The following TMEM260 variants were observed in gnomAD, a reference collection of about 807,000 sequenced individuals.
TMEM260 encodes the protein transmembrane protein 260.
A neutral mutation model predicts 88.9 loss-of-function variants in TMEM260; 82 were observed. The observed-to-expected ratio is 0.92, with a 90% CI of 0.77 to 1.11. The LOEUF is 1.11. Among genes scored for constraint, TMEM260 ranks in the 50% least tolerant of loss-of-function variants. The probability of loss-of-function intolerance (pLI) is 0.00; values close to 1 mark genes in which losing one functional copy is unlikely to be tolerated. For missense variants in TMEM260, 902 were observed against 853.4 expected (o/e 1.06, Z -0.71); for synonymous variants, 314 against 309.3 (o/e 1.02, Z -0.16).
chr14:56,625,761 A>G (rs1385180316), intron 12 of TMEM260, among the ~76,000 whole-genome samples: 1 of 152,214 alleles, frequency 6.6e-6, no homozygotes, highest in Non-Finnish European at 1.5e-5. Context: ...CAAGAACAGC[A>G]AATAAGATCT....
At chr14:56,584,962 T>G (rs1460075893) in intron 1 of TMEM260, 39 bp from the exon 2 acceptor site, 2 of 1,592,402 alleles carry the variant, frequency 1.3e-6, no homozygotes, top group Non-Finnish European at 1.7e-6. Flanking sequence ...AGTGTCATTC[T>G]CTAATAGTAA....
chr14:56,660,415 TC>T, the TMEM260 span, among the ~76,000 whole-genome samples: 1 of 152,358 alleles, frequency 6.6e-6, no homozygotes, highest in East Asian at 1.9e-4. Flanking sequence ...TTCTATTATT[TC>T]TTACTTTTTT....
chr14:56,620,377 A>G (rs1283509810), intron 10 of TMEM260, among the ~76,000 whole-genome samples: 1 of 152,124 alleles, frequency 6.6e-6, no homozygotes, highest in Non-Finnish European at 1.5e-5. Context: ...GCCTTGAGAG[A>G]AGGGGCTGCG....
chr14:56,643,754 G>C (rs1248189923), intron 15 of TMEM260, among the ~76,000 whole-genome samples: 1 of 152,190 alleles, frequency 6.6e-6, no homozygotes, highest in East Asian at 1.9e-4. Context: ...TGTATATTCA[G>C]AAAACCCCAC....
At chr14:56,591,829 C>T (rs10137244) in intron 3 of TMEM260, among the ~76,000 whole-genome samples, 10,256 of 152,150 alleles carry the variant, frequency 0.067, 418 homozygotes, top group East Asian at 0.16. Flanking sequence ...TCCACATATT[C>T]AGGAATAAGT....
At chr14:56,580,251 T>G (rs1885034063) in intron 1 of TMEM260, among the ~76,000 whole-genome samples, 177 bp downstream of exon 1, 1 of 152,228 alleles carries the variant, frequency 6.6e-6, no homozygotes, top group Non-Finnish European at 1.5e-5. Flanking sequence ...TCCATTCCTG[T>G]CGTTGTGGTT....
At chr14:56,636,678 T>G in intron 15 of TMEM260, 80 bp downstream of exon 15, 1 of 1,210,822 alleles carries the variant, frequency 8.3e-7, no homozygotes, top group Non-Finnish European at 1.2e-6. Flanking sequence ...ATAGAGGGTA[T>G]ATCACATTAG....
At chr14:56,617,136 A>G (rs755527249) in intron 8 of TMEM260, 47 bp from the exon 9 acceptor site, 1 of 1,133,998 alleles carries the variant, frequency 8.8e-7, no homozygotes. Flanking sequence ...TATATTTGAC[A>G]TTCATGTATC....
In TMEM260 at chr14:56,580,042, C is replaced by G. The variant is rs1885006611; in HGVS notation, c.128C>G (p.Thr43Ser). 2 of 1,251,374 alleles carry G rather than the reference C, an allele frequency of 1.6e-6. No individual in the cohort carries two copies. The highest frequency in any genetic ancestry group is 8.1e-5 in the South Asian group (2 of 24,796). 77.5% of individuals were successfully genotyped at this position (1,251,374 alleles called of 1,614,324 possible). A position where few individuals can be genotyped will look rare whatever the true frequency, so the allele number is the denominator to read the frequency against. ...FAAVAAVFTF[T>S]LPPSVPGGDS... The stretch of plus-strand genomic sequence containing the variant: ...GCCGTGGCCGCAGTGTTCACCTTCA[C>G]CCTGCCCCCTTCGGTACCGGGGGGA... Residue 43 changes from threonine (T) to serine (S), a missense_variant, in exon 1 of 16, where the codon ACC (threonine) becomes AGC (serine). Transcript: ENST00000261556.
intron 3 of TMEM260, among the ~76,000 whole-genome samples, chr14:56,594,804 A>T (rs1178346608): frequency 6.6e-6 from 1 of 152,354 alleles, no homozygotes; most frequent in East Asian, 1.9e-4. Context: ...TGGACTACCA[A>T]TTCATTTAAT....
chr14:56,601,835 CCTT>C (rs1886595163), intron 3 of TMEM260, among the ~76,000 whole-genome samples: 1 of 152,094 alleles, frequency 6.6e-6, no homozygotes, highest in African/African-American at 2.4e-5. Flanking sequence ...GCTCCTGTGT[CCTT>C]CTGTCATGCC....
At chr14:56,618,529 A>G in intron 9 of TMEM260, 65 bp from the exon 10 acceptor site, 2 of 1,471,974 alleles carry the variant, frequency 1.4e-6, no homozygotes, top group Non-Finnish European at 1.9e-6. Flanking sequence ...TAAAAAATAT[A>G]TGAGGAGCTG....
At chr14:56,585,156 T>C (rs959813833) in intron 2 of TMEM260, 124 bp downstream of exon 2, 22 of 808,580 alleles carry the variant, frequency 2.7e-5, no homozygotes, top group Non-Finnish European at 4.3e-5. Context: ...TAGTAACTTA[T>C]AAGTACAGTA....
chr14:56,634,425 A>C (rs1888868094), intron 13 of TMEM260, among the ~76,000 whole-genome samples: 1 of 152,224 alleles, frequency 6.6e-6, no homozygotes, highest in East Asian at 1.9e-4. Flanking sequence ...CCAAAACTCA[A>C]ACTTCCTTAA....
chr14:56,619,797 A>G (rs1887802443), intron 10 of TMEM260, among the ~76,000 whole-genome samples: 1 of 152,216 alleles, frequency 6.6e-6, no homozygotes, highest in Non-Finnish European at 1.5e-5. Flanking sequence ...GTATATACCT[A>G]AAGGAATATA....
chr14:56,646,176 T>C (rs1889953254), intron 15 of TMEM260, among the ~76,000 whole-genome samples: 2 of 152,226 alleles, frequency 1.3e-5, no homozygotes. Context: ...TTATTAACTA[T>C]TGAAACAATA....
intron 3 of TMEM260, among the ~76,000 whole-genome samples, chr14:56,588,235 T>C (rs1885633063): frequency 1.3e-5 from 2 of 152,122 alleles, no homozygotes; most frequent in South Asian, 4.1e-4. Context: ...ACTGTACACG[T>C]AGGATTAGTG....
chr14:56,636,716 T>C, intron 15 of TMEM260, 118 bp downstream of exon 15: 1 of 902,414 alleles, frequency 1.1e-6, no homozygotes, highest in Non-Finnish European at 1.7e-6. Flanking sequence ...TTCTCTCAAT[T>C]TGGGTGGTAT....
downstream of TMEM260, among the ~76,000 whole-genome samples, chr14:56,653,229 C>T (rs1234320667): frequency 6.6e-6 from 1 of 151,852 alleles, no homozygotes; most frequent in Non-Finnish European, 1.5e-5. Flanking sequence ...AAAAAAATAC[C>T]ACAATGCATT....
Sources: gnomAD v4.1 joint callset for allele counts (sites outside exome capture counted in the v4.1 genomes callset) on GRCh38, gnomAD v4.1.1 for gene constraint, MANE v1.5 for transcripts, NCBI Gene and HGNC (gene_info 2026-07-23, HGNC 2026-07-21) for gene names.